Variants in CALCRL observed in about 807,000 individuals in gnomAD.
The protein encoded by CALCRL is calcitonin gene-related peptide type 1 receptor.
In CALCRL, 27 loss-of-function variants were observed where a neutral mutation model predicts 60.4. The ratio of observed to expected loss-of-function variants is 0.45; its 90% CI spans 0.33 to 0.62. The LOEUF (loss-of-function observed/expected upper bound fraction) is 0.62, where lower values mean the gene tolerates loss of function less well. Among genes scored for constraint, CALCRL ranks in the 20% least tolerant of loss-of-function variants. The probability of loss-of-function intolerance (pLI) is 0.03; values close to 1 mark genes in which losing one functional copy is unlikely to be tolerated. For synonymous variants in CALCRL, 190 were observed against 182.6 expected, an observed-to-expected ratio of 1.04 and a Z score of -0.33; for missense variants, 424 against 540.7, an observed-to-expected ratio of 0.78 and a Z score of 2.14.
chr2:187,383,350 T>A (rs1396787542), intron 4 of CALCRL, 45 bp from the exon 5 acceptor site: 2 of 1,520,002 alleles, frequency 1.3e-6, no homozygotes, highest in African/African-American at 2.8e-5. Flanking sequence ...TGAAAAGGAT[T>A]ATGAAAATGT....
chr2:187,400,540 G>A (rs1430555865), intron 1 of CALCRL, among the ~76,000 whole-genome samples: 2 of 151,176 alleles, frequency 1.3e-5, no homozygotes, highest in African/African-American at 4.8e-5. Flanking sequence ...TTATAAACTC[G>A]AGAAATAAAG....
At chr2:187,414,281 G>T (rs760881754) in intron 1 of CALCRL, among the ~76,000 whole-genome samples, 1 of 152,038 alleles carries the variant, frequency 6.6e-6, no homozygotes, top group African/African-American at 2.4e-5. Flanking sequence ...TGTAATTAGA[G>T]TTGCCTAAGA....
chr2:187,358,392 G>A (rs1441680124), intron 12 of CALCRL, among the ~76,000 whole-genome samples: 2 of 151,948 alleles, frequency 1.3e-5, no homozygotes, highest in Non-Finnish European at 1.5e-5. Context: ...TGTAATAAAA[G>A]CATCGAATGT....
chr2:187,418,351 G>A (rs1253899803), intron 1 of CALCRL, among the ~76,000 whole-genome samples: 1 of 152,128 alleles, frequency 6.6e-6, no homozygotes, highest in Admixed American at 6.5e-5. Flanking sequence ...AAAGAATTGA[G>A]AATCATGTAA....
chr2:187,445,690 A>C (rs989426992), intron 1 of CALCRL, among the ~76,000 whole-genome samples: 5 of 151,510 alleles, frequency 3.3e-5, no homozygotes, highest in Admixed American at 2.0e-4. Context: ...CAAGGTAATC[A>C]TTTTACCTTT....
chr2:187,385,718 T>C (rs939144516), intron 3 of CALCRL, 87 bp from the exon 4 acceptor site: 5 of 689,536 alleles, frequency 7.3e-6, no homozygotes. Context: ...ATTTTAAAAC[T>C]ACACAATAAT....
intron 3 of CALCRL, 129 bp from the exon 4 acceptor site, chr2:187,385,760 C>A (rs997945724): frequency 1.1e-5 from 7 of 615,930 alleles, no homozygotes; most frequent in Non-Finnish European, 1.7e-5. Flanking sequence ...TTTGATAAAT[C>A]ATTTTTTTTA....
intron 1 of CALCRL, among the ~76,000 whole-genome samples, chr2:187,440,328 C>A (rs993894740): frequency 1.3e-5 from 2 of 152,116 alleles, no homozygotes; most frequent in African/African-American, 4.8e-5. Context: ...GCCTTGAAGT[C>A]TAAACTATTT....
intron 8 of CALCRL, among the ~76,000 whole-genome samples, chr2:187,367,834 AT>A (rs1687362191): frequency 6.6e-6 from 1 of 152,086 alleles, no homozygotes; most frequent in Non-Finnish European, 1.5e-5. Context: ...TATTTTTTAC[AT>A]ATAATTATTT....
At chr2:187,346,441 T>C in intron 14 of CALCRL, 42 bp from the exon 15 acceptor site, 1 of 1,405,574 alleles carries the variant, frequency 7.1e-7, no homozygotes, top group Non-Finnish European at 9.9e-7. Flanking sequence ...GAACAACCCA[T>C]TAATTGAAAT....
chr2:187,370,599 T>C (rs898800455), intron 8 of CALCRL, among the ~76,000 whole-genome samples: 4 of 152,174 alleles, frequency 2.6e-5, no homozygotes, highest in African/African-American at 9.6e-5. Flanking sequence ...TATAGCTTTA[T>C]ATTTTTTATA....
intron 1 of CALCRL, among the ~76,000 whole-genome samples, chr2:187,426,167 G>A (rs1168369889): frequency 6.6e-6 from 1 of 150,966 alleles, no homozygotes. Flanking sequence ...AGAAGATAAA[G>A]TGACAGGGAA....
chr2:187,385,258 G>C (rs965574897), intron 4 of CALCRL, among the ~76,000 whole-genome samples: 2 of 151,954 alleles, frequency 1.3e-5, no homozygotes, highest in Admixed American at 6.6e-5. Context: ...TGTACAACAT[G>C]TACCATAGAG....
At chr2:187,413,404 T>C (rs1689451993) in intron 1 of CALCRL, among the ~76,000 whole-genome samples, 2 of 152,204 alleles carry the variant, frequency 1.3e-5, no homozygotes, top group Admixed American at 6.5e-5. Flanking sequence ...TGAATCACTA[T>C]TTTTATCTGA....
At chr2:187,380,655 G>A in intron 6 of CALCRL, 22 bp downstream of exon 6, 1 of 1,589,520 alleles carries the variant, frequency 6.3e-7, no homozygotes, top group Non-Finnish European at 8.6e-7. Flanking sequence ...AAGGAGATAT[G>A]TAGATACATT....
chr2:187,392,036 T>C (rs6715996), intron 1 of CALCRL, among the ~76,000 whole-genome samples: 6,304 of 152,160 alleles, frequency 0.041, 418 homozygotes, highest in African/African-American at 0.14. Flanking sequence ...TTAATCAATA[T>C]TTATAAGAAC....
At chr2:187,407,620 ACG>A (rs1421442798) in intron 1 of CALCRL, among the ~76,000 whole-genome samples, 1 of 152,066 alleles carries the variant, frequency 6.6e-6, no homozygotes, top group Non-Finnish European at 1.5e-5. Context: ...CTTTTATATT[ACG>A]AGAGAAAAAC....
chr2:187,402,285 A>T (rs1208537139), intron 1 of CALCRL, among the ~76,000 whole-genome samples: 1 of 151,766 alleles, frequency 6.6e-6, no homozygotes, highest in East Asian at 1.9e-4. Context: ...GTTTTCAGAG[A>T]TACTTAAAAC....
At chr2:187,408,501 T>G (rs1689226977) in intron 1 of CALCRL, among the ~76,000 whole-genome samples, 1 of 152,072 alleles carries the variant, frequency 6.6e-6, no homozygotes, top group Admixed American at 6.6e-5. Flanking sequence ...ATATCTTTCC[T>G]TTAAAACATT....
Sources: gnomAD v4.1 joint callset for allele counts (sites outside exome capture counted in the v4.1 genomes callset) on GRCh38, gnomAD v4.1.1 for gene constraint, MANE v1.5 for transcripts, NCBI Gene and HGNC (gene_info 2026-07-23, HGNC 2026-07-21) for gene names.